ELF2: variants seen among roughly 807,000 people sequenced by gnomAD.
The protein encoded by ELF2 is E74 like ETS transcription factor 2.
A neutral mutation model predicts 54.8 loss-of-function variants in ELF2; 11 were observed. The ratio of observed to expected loss-of-function variants is 0.20; its 90% confidence interval spans 0.13 to 0.33. The LOEUF is 0.33. Ranked by LOEUF, ELF2 falls within the 10% of genes least tolerant of loss-of-function variation. The pLI is 1.00. For missense variants in ELF2, 513 were observed against 703.0 expected (o/e 0.73, Z 3.06); for synonymous variants, 203 against 245.1 (o/e 0.83, Z 1.61).
chr4:139,151,113 A>C (rs997013965), intron 1 of ELF2, among the ~76,000 whole-genome samples: 3 of 151,646 alleles, frequency 2.0e-5, no homozygotes, highest in Non-Finnish European at 2.9e-5. Context: ...CTATTTAATA[A>C]ATTGTGCTGG....
At chr4:139,133,250 G>A (rs1297451298) in intron 3 of ELF2, among the ~76,000 whole-genome samples, 1 of 152,186 alleles carries the variant, frequency 6.6e-6, no homozygotes, top group African/African-American at 2.4e-5. Context: ...AGGATAAGGA[G>A]AGGTTTAGCT....
chr4:139,102,099 AAAG>A (rs1401681294), intron 4 of ELF2: 2 of 152,154 alleles, frequency 1.3e-5, no homozygotes, highest in African/African-American at 4.8e-5. Flanking sequence ...TTCCTCTTCA[AAAG>A]AAGTTTTTCA....
At chr4:139,137,053 T>C (rs1439003584) in intron 3 of ELF2, 1 of 152,294 alleles carries the variant, frequency 6.6e-6, no homozygotes, top group East Asian at 1.9e-4. Flanking sequence ...TTTATTCTCA[T>C]CTAATTCTTC....
rs532887123 is a variant in ELF2 at position 139,067,614 on chromosome 4, T to C, written c.613+70A>G. The C allele has an allele frequency of 2.0e-6, 3 of 1,506,668 alleles. No individual in the cohort carries two copies. The East Asian group carries it at 6.8e-5, about 34-fold the overall frequency. The allele number at this position is 1,506,668 out of a possible 1,614,324, so 93.3% of individuals were successfully genotyped here. On this transcript the variant is annotated intron_variant, in intron 7 of 9. Transcript: ENST00000686138. ...GTGCATGTACTAGAAATAGTTTTCT[T>C]ACAAATACAAAAATGTCACCTAACT... is the stretch of plus-strand genomic sequence containing the variant.
intron 4 of ELF2, among the ~76,000 whole-genome samples, chr4:139,085,034 T>G (rs946232249): frequency 6.6e-6 from 1 of 152,078 alleles, no homozygotes; most frequent in Non-Finnish European, 1.5e-5. Flanking sequence ...ATCATGAAAT[T>G]CATGTACCCT....
At chr4:139,158,966 C>G (rs1339387228) in intron 1 of ELF2, among the ~76,000 whole-genome samples, 1 of 152,068 alleles carries the variant, frequency 6.6e-6, no homozygotes, top group Non-Finnish European at 1.5e-5. Flanking sequence ...ATACCAAGAG[C>G]CTGAGAAACT....
At chr4:139,132,193 C>T (rs889954730) in intron 3 of ELF2, among the ~76,000 whole-genome samples, 1 of 151,318 alleles carries the variant, frequency 6.6e-6, no homozygotes. Flanking sequence ...ACAATTGGTA[C>T]AAAAACCAAA....
intron 6 of ELF2, among the ~76,000 whole-genome samples, chr4:139,069,054 G>T (rs1162086979): frequency 6.6e-6 from 1 of 152,036 alleles, no homozygotes; most frequent in Non-Finnish European, 1.5e-5. Flanking sequence ...ATTTTTTGTA[G>T]AGATGGGTTT....
intron 7 of ELF2, among the ~76,000 whole-genome samples, chr4:139,062,888 C>T (rs1476791098): frequency 6.6e-6 from 1 of 152,192 alleles, no homozygotes; most frequent in Admixed American, 6.5e-5. Context: ...TAAGTGCAAA[C>T]TACCCTCAAC....
In ELF2 at chr4:139,084,247, G is replaced by A. The variant is rs1731646002; in HGVS notation, c.239-10680C>T. The A allele has an allele frequency of 3.1e-6, 5 of 1,609,232 alleles. No homozygotes were observed. The African/African-American group carries it at 5.3e-5, about 17-fold the overall frequency. On this transcript the variant is annotated intron_variant, in intron 4 of 9. Transcript: ENST00000686138. Reference sequence around the variant, plus strand: ...ATTGACTTACACCGTGAGCAGCGGCGGCAGGGGAGGAGGCGGAACCCGCGG... The same window carrying A: ...ATTGACTTACACCGTGAGCAGCGGCAGCAGGGGAGGAGGCGGAACCCGCGG...
intron 4 of ELF2, among the ~76,000 whole-genome samples, chr4:139,106,393 A>C (rs1734410500): frequency 6.6e-6 from 1 of 152,216 alleles, no homozygotes; most frequent in South Asian, 2.1e-4. Flanking sequence ...GATGAAAAAA[A>C]AGGTAGATGA....
At chr4:139,074,488 C>T (rs1007552082) in intron 4 of ELF2, among the ~76,000 whole-genome samples, 1 of 151,844 alleles carries the variant, frequency 6.6e-6, no homozygotes, top group Non-Finnish European at 1.5e-5. Flanking sequence ...GCAGGGGGGC[C>T]GGGTGTGGTG....
intron 4 of ELF2, among the ~76,000 whole-genome samples, chr4:139,093,894 AT>A (rs1732948596): frequency 7.9e-6 from 1 of 126,820 alleles, no homozygotes; most frequent in Non-Finnish European, 1.6e-5. Context: ...CTTGACTAAC[AT>A]CTTTTTTTTT....
chr4:139,159,227 C>T (rs1435484013), intron 1 of ELF2, among the ~76,000 whole-genome samples: 3 of 151,992 alleles, frequency 2.0e-5, no homozygotes, highest in African/African-American at 7.2e-5. Flanking sequence ...GGGAAGGGGC[C>T]TAAGAAATTC....
chr4:139,121,351 A>G (rs1041839912), intron 4 of ELF2, among the ~76,000 whole-genome samples: 85 of 151,190 alleles, frequency 5.6e-4, no homozygotes, highest in Middle Eastern at 3.5e-3. Flanking sequence ...CTCGTGATTC[A>G]CCCGCCTTGG....
intron 4 of ELF2, among the ~76,000 whole-genome samples, chr4:139,082,920 C>A (rs546910332): frequency 6.6e-6 from 1 of 152,186 alleles, no homozygotes; most frequent in South Asian, 2.1e-4. Context: ...AAGTCCGTGC[C>A]CTTCCGCTGC....
intron 1 of ELF2, among the ~76,000 whole-genome samples, chr4:139,139,730 G>C (rs1214269016): frequency 2.0e-5 from 3 of 151,852 alleles, no homozygotes; most frequent in Non-Finnish European, 4.4e-5. Context: ...TATTGAGTGA[G>C]GACAGAATCA....
At chr4:139,128,396 G>T (rs1393368221) in intron 3 of ELF2, among the ~76,000 whole-genome samples, 1 of 152,056 alleles carries the variant, frequency 6.6e-6, no homozygotes, top group Non-Finnish European at 1.5e-5. Context: ...AACTTTAACT[G>T]ATCGATCGAG....
intron 2 of ELF2, among the ~76,000 whole-genome samples, chr4:139,138,527 T>C (rs960045633): frequency 1.3e-5 from 2 of 152,228 alleles, no homozygotes; most frequent in African/African-American, 2.4e-5. Flanking sequence ...ATATATAAAA[T>C]GTGCCAGACT....
Sources: gnomAD v4.1 joint callset for allele counts (sites outside exome capture counted in the v4.1 genomes callset) on GRCh38, gnomAD v4.1.1 for gene constraint, MANE v1.5 for transcripts, NCBI Gene and HGNC (gene_info 2026-07-23, HGNC 2026-07-21) for gene names.